MAGI2: variants seen among roughly 807,000 people sequenced by gnomAD.
The protein encoded by MAGI2 is membrane associated guanylate kinase, WW and PDZ domain containing 2, also known as membrane-associated guanylate kinase, WW and PDZ domain-containing protein 2.
Under a neutral mutation model 133.3 loss-of-function variants are expected in MAGI2, and 35 were observed. That is an observed-to-expected ratio of 0.26 (90% CI 0.20 to 0.35). The LOEUF (loss-of-function observed/expected upper bound fraction) is 0.35. Ranked by LOEUF, MAGI2 falls within the 10% of genes least tolerant of loss-of-function variation. The probability of loss-of-function intolerance (pLI) is 1.00; values close to 1 mark genes in which losing one functional copy is unlikely to be tolerated. For synonymous variants in MAGI2, 729 were observed against 710.6 expected, an observed-to-expected ratio of 1.03 and a Z score of -0.41; for missense variants, 1,636 against 1,863.4, an observed-to-expected ratio of 0.88 and a Z score of 2.25.
At position 79,224,321 on chromosome 7, in the gene MAGI2, T is replaced by C. The variant is rs145710401; in HGVS notation, c.302-217115A>G. Among the ~76,000 whole-genome samples, 192 of 152,140 alleles carry C rather than the reference T, an allele frequency of 1.3e-3. 2 individuals are homozygous for C. The East Asian group carries it at 0.027, about 21-fold the overall frequency. On this transcript the variant is annotated intron_variant, in intron 1 of 21. Transcript: ENST00000354212. ...ACAATCTGGGTTTCTTAGCATGAAATAAGTATTGAGCAATCTGGTCTTGGC... is the reference window on the plus strand; with the variant it reads ...ACAATCTGGGTTTCTTAGCATGAAACAAGTATTGAGCAATCTGGTCTTGGC...
At chr7:78,829,190 A>G (rs1790918878) in intron 2 of MAGI2, among the ~76,000 whole-genome samples, 1 of 152,088 alleles carries the variant, frequency 6.6e-6, no homozygotes, top group African/African-American at 2.4e-5. Context: ...AAAAGCTTCA[A>G]TTTGAATATA....
At chr7:78,705,577 C>T (rs994051161) in intron 2 of MAGI2, among the ~76,000 whole-genome samples, 7 of 151,878 alleles carry the variant, frequency 4.6e-5, no homozygotes, top group African/African-American at 1.5e-4. Context: ...TGCTGACAAA[C>T]TTTCCTTCAG....
intron 9 of MAGI2, among the ~76,000 whole-genome samples, chr7:78,336,392 T>G (rs59619158): frequency 0.059 from 9,047 of 152,184 alleles, 445 homozygotes; most frequent in African/African-American, 0.12. Flanking sequence ...AGCAGTGATA[T>G]CTACCTGCTC....
chr7:78,852,068 T>C (rs1216271687), intron 2 of MAGI2, among the ~76,000 whole-genome samples: 1 of 152,160 alleles, frequency 6.6e-6, no homozygotes, highest in Admixed American at 6.6e-5. Flanking sequence ...ATTTTTAAAG[T>C]CTTGTCGATA....
chr7:78,083,387 G>GGGGAGA (rs1816229903), intron 20 of MAGI2, among the ~76,000 whole-genome samples: 2 of 33,298 alleles, frequency 6.0e-5, no homozygotes, highest in Non-Finnish European at 1.0e-4. Context: ...AGGGAGGGGG[G>GGGGAGA]GAGAGAGAGA....
At position 78,527,632 on chromosome 7, in the gene MAGI2, A is replaced by C. The variant is rs536262317; in HGVS notation, c.539-5987T>G. Among the ~76,000 whole-genome samples, 40 of 152,338 alleles carry C rather than the reference A, an allele frequency of 2.6e-4. 1 individual carries two copies. The East Asian group carries it at 7.7e-3, about 29-fold the overall frequency. On this transcript the variant is annotated intron_variant, in intron 3 of 21. Transcript: ENST00000354212. ...TGACAAGAAATAGGAAAGACACTGAAAACTAATTTTAGGTATGAGGAAATG... is the reference window on the plus strand; with the variant it reads ...TGACAAGAAATAGGAAAGACACTGACAACTAATTTTAGGTATGAGGAAATG...
At chr7:79,297,965 GA>G (rs1837076057) in intron 1 of MAGI2, among the ~76,000 whole-genome samples, 1 of 152,212 alleles carries the variant, frequency 6.6e-6, no homozygotes, top group South Asian at 2.1e-4. Context: ...CTCTCTGTTA[GA>G]AAAGCTGCTG....
intron 3 of MAGI2, among the ~76,000 whole-genome samples, chr7:78,526,747 C>T (rs917269009): frequency 3.3e-5 from 5 of 151,948 alleles, no homozygotes; most frequent in Non-Finnish European, 5.9e-5. Flanking sequence ...CCGTGGCTCA[C>T]GCCTGTAATC....
At chr7:79,140,595 T>G (rs1822034345) in intron 1 of MAGI2, among the ~76,000 whole-genome samples, 1 of 152,182 alleles carries the variant, frequency 6.6e-6, no homozygotes, top group Admixed American at 6.5e-5. Context: ...CGATTAATGA[T>G]TTGAGCATCA....
intron 2 of MAGI2, among the ~76,000 whole-genome samples, chr7:78,786,323 A>G (rs1485713613): frequency 6.6e-6 from 1 of 152,182 alleles, no homozygotes; most frequent in East Asian, 1.9e-4. Flanking sequence ...CAGTACCCTA[A>G]CTGTTCTCCT....
At chr7:78,980,123 T>C (rs1804647978) in intron 2 of MAGI2, among the ~76,000 whole-genome samples, 1 of 151,820 alleles carries the variant, frequency 6.6e-6, no homozygotes, top group African/African-American at 2.4e-5. Context: ...CTTCTAGTTA[T>C]GAGCTGTATC....
At chr7:78,711,358 C>T (rs1430727770) in intron 2 of MAGI2, among the ~76,000 whole-genome samples, 1 of 151,964 alleles carries the variant, frequency 6.6e-6, no homozygotes, top group African/African-American at 2.4e-5. Context: ...ATGGAGGTTG[C>T]AGAGAGGAGG....
chr7:79,150,985 T>TTTTG (rs968074007), intron 1 of MAGI2, among the ~76,000 whole-genome samples: 1 of 151,998 alleles, frequency 6.6e-6, no homozygotes, highest in African/African-American at 2.4e-5. Context: ...CTCACAGCGT[T>TTTTG]TTTGTTTGTT....
chr7:78,026,830 C>T (rs1166336001), intron 21 of MAGI2, among the ~76,000 whole-genome samples: 8 of 152,168 alleles, frequency 5.3e-5, no homozygotes, highest in Non-Finnish European at 7.3e-5. Context: ...CAGGGCCTAA[C>T]GACTGCGTCT....
At chr7:78,525,882 G>A (rs940284513) in intron 3 of MAGI2, among the ~76,000 whole-genome samples, 1 of 152,098 alleles carries the variant, frequency 6.6e-6, no homozygotes, top group African/African-American at 2.4e-5. Context: ...AAGTATTCTT[G>A]TATCAAATGG....
chr7:78,605,604 T>G (rs1191775321), intron 3 of MAGI2, among the ~76,000 whole-genome samples: 5 of 152,312 alleles, frequency 3.3e-5, no homozygotes, highest in Admixed American at 2.0e-4. Flanking sequence ...CTGTAATTAT[T>G]ATGATGAAGC....
chr7:78,587,953 A>G (rs576555835), intron 3 of MAGI2, among the ~76,000 whole-genome samples: 18 of 152,370 alleles, frequency 1.2e-4, no homozygotes, highest in African/African-American at 4.1e-4. Flanking sequence ...GAAGACCTCC[A>G]GAAAGCATAG....
chr7:78,705,658 T>C (rs776125755), intron 2 of MAGI2, among the ~76,000 whole-genome samples: 3 of 152,124 alleles, frequency 2.0e-5, no homozygotes, highest in African/African-American at 7.2e-5. Context: ...AAACCTGGTG[T>C]TTGGGTACAT....
At chr7:79,022,329 T>C (rs1279006869) in intron 1 of MAGI2, among the ~76,000 whole-genome samples, 2 of 151,742 alleles carry the variant, frequency 1.3e-5, no homozygotes, top group Admixed American at 6.6e-5. Flanking sequence ...TTGAAACTAA[T>C]GAGAAAAAAA....
Sources: allele counts gnomAD v4.1 joint callset (sites outside exome capture counted in the v4.1 genomes callset), GRCh38; gene constraint gnomAD v4.1.1; transcripts MANE v1.5; gene names NCBI Gene and HGNC (gene_info 2026-07-23, HGNC 2026-07-21).